STARD9: variants seen among roughly 807,000 people sequenced by gnomAD.
The protein encoded by STARD9 is stAR-related lipid transfer protein 9.
In STARD9, 346 loss-of-function variants were observed where a neutral mutation model predicts 399.8. The observed-to-expected ratio is 0.87, with a 90% confidence interval of 0.79 to 0.95. The LOEUF is 0.95. Among genes scored for constraint, STARD9 ranks in the 40% least tolerant of loss-of-function variants. The probability of loss-of-function intolerance (pLI) is 0.00; values close to 1 mark genes in which losing one functional copy is unlikely to be tolerated. For synonymous variants in STARD9, 2,203 were observed against 2,143.5 expected, an observed-to-expected ratio of 1.03 and a Z score of -0.77; for missense variants, 5,832 against 5,667.5, an observed-to-expected ratio of 1.03 and a Z score of -0.93.
chr15:42,626,920 G>A (rs771134755), intron 3 of STARD9, among the ~76,000 whole-genome samples: 6 of 151,326 alleles, frequency 4.0e-5, no homozygotes, highest in South Asian at 2.1e-4. Context: ...GTGTGATGTC[G>A]GCTCACTGCA....
At position 42,692,110 on chromosome 15, in the gene STARD9, G is replaced by A. The variant is rs1236302573; in HGVS notation, c.10532G>A (p.Cys3511Tyr). The A allele has an allele frequency of 1.3e-6, 2 of 1,537,048 alleles. No individual in the cohort carries two copies. Among genetic ancestry groups the A allele is most frequent in the African/African-American group, 2.7e-5 (2 of 72,998 alleles). The part of the protein sequence containing the change: ...QGLTLSNVAR[C>Y]SSMDNGLEDQ... ...CTGACACTATCAAATGTGGCCCGGT[G>A]CTCCAGCATGGACAATGGCCTAGAA... The change falls in exon 23 of 33, where the codon TGC (cysteine) becomes TAC (tyrosine). Residue 3511 changes from cysteine to tyrosine, a missense_variant. This residue lies in a region of STARD9 where 5,828 missense variants were observed against 5,651.1 expected (regional missense o/e 1.03). Coordinates refer to ENST00000290607, the MANE Select transcript of STARD9 (RefSeq NM_020759.3).
intron 3 of STARD9, among the ~76,000 whole-genome samples, chr15:42,604,029 GGTTT>G (rs1408851974): frequency 6.6e-6 from 1 of 152,166 alleles, no homozygotes; most frequent in Non-Finnish European, 1.5e-5. Context: ...GCAAGGAGGG[GGTTT>G]GTTTGGGGAA....
chr15:42,682,260 G>A lies in STARD9; in HGVS notation c.2222G>A (p.Ser741Asn). 1 of 1,537,274 alleles carries A rather than the reference G, an allele frequency of 6.5e-7. No homozygotes were observed. The highest frequency in any genetic ancestry group is 8.7e-7 in the Non-Finnish European group (1 of 1,146,898). ...PEIQPSPFVQ[S>N]QKRVVHLQLL... Reference sequence around the variant, plus strand: ...ATTCAGCCATCCCCATTTGTCCAAAGTCAGAAAAGGGTGGTGCACCTGCAG... The same window carrying A: ...ATTCAGCCATCCCCATTTGTCCAAAATCAGAAAAGGGTGGTGCACCTGCAG... Residue 741 changes from serine (S) to asparagine (N), a missense_variant, in exon 22 of 33, where the codon AGT (serine) becomes AAT (asparagine). This residue lies in a region of STARD9 where 5,828 missense variants were observed against 5,651.1 expected (regional missense o/e 1.03). Transcript: ENST00000290607.
intron 30 of STARD9, 115 bp downstream of exon 30, chr15:42,718,294 T>C (rs1202369841): frequency 9.8e-6 from 12 of 1,230,620 alleles, no homozygotes; most frequent in Admixed American, 2.0e-5. Flanking sequence ...GGCCAGGTAC[T>C]CAGGTTACCT....
At position 42,685,100 on chromosome 15, in the gene STARD9, AC is replaced by A. The variant is rs1217967863; in HGVS notation, c.3525del (p.Arg1176GlyfsTer8). On this transcript the variant is annotated frameshift_variant, in exon 23 of 33. Transcript: ENST00000290607. LOFTEE classifies it high-confidence loss of function. ...ATCGTCCCACCAACAACCGTGGCCA[AC>A]CCAGGACCAGAACTAGAGCTTCTGT... ...GNRPTNNRGQ[P>X]RTRTRASVRG... is the part of the protein sequence containing the mutation. 1 of 1,537,236 alleles carries A rather than the reference AC, an allele frequency of 6.5e-7. No individual in the cohort carries two copies. Among genetic ancestry groups the A allele is most frequent in the Admixed American group, 2.0e-5 (1 of 50,998 alleles).
intron 22 of STARD9, 59 bp downstream of exon 22, chr15:42,682,634 A>G: frequency 7.2e-7 from 1 of 1,392,220 alleles, no homozygotes. Flanking sequence ...CTTCTTGCCC[A>G]GGTAGTTTTC....
At position 42,666,805 on chromosome 15, in the gene STARD9, A is replaced by T. The variant is rs117478364; in HGVS notation, c.1317+957A>T. Among the ~76,000 whole-genome samples the T allele has an allele frequency of 8.8e-3, 1,333 of 151,488 alleles. 18 individuals carry two copies. The highest frequency in any genetic ancestry group is 0.058 in the East Asian group (300 of 5,168). On this transcript the variant is annotated intron_variant, in intron 15 of 32. Coordinates refer to ENST00000290607, the MANE Select transcript of STARD9 (RefSeq NM_020759.3). ...AGAATAAATGGTGATTCCCAGAGAC[A>T]TTTTTTTTTATTAATTTTATTTTTT...
At chr15:42,651,645 T>C (rs1475787378) in intron 8 of STARD9, among the ~76,000 whole-genome samples, 2 of 152,164 alleles carry the variant, frequency 1.3e-5, no homozygotes, top group South Asian at 2.1e-4. Context: ...GCTTTTTTTT[T>C]CTGGGGTAAA....
chr15:42,644,056 G>A (rs931242724), intron 7 of STARD9, among the ~76,000 whole-genome samples: 8 of 151,912 alleles, frequency 5.3e-5, no homozygotes, highest in Non-Finnish European at 1.0e-4. Flanking sequence ...GGATATATTT[G>A]GTTTGATTCC....
At chr15:42,579,239 C>G (rs962067351) in intron 1 of STARD9, among the ~76,000 whole-genome samples, 23 of 152,140 alleles carry the variant, frequency 1.5e-4, no homozygotes, top group African/African-American at 5.6e-4. Flanking sequence ...GGTCGTTTTA[C>G]AAACCAACCA....
intron 20 of STARD9, among the ~76,000 whole-genome samples, chr15:42,677,908 G>A (rs2060344675): frequency 6.6e-6 from 1 of 152,198 alleles, no homozygotes; most frequent in African/African-American, 2.4e-5. Context: ...ACATCATGGT[G>A]TTGTGCTCTT....
chr15:42,602,678 C>G (rs557571324), intron 3 of STARD9, among the ~76,000 whole-genome samples: 25 of 152,126 alleles, frequency 1.6e-4, no homozygotes, highest in Non-Finnish European at 2.9e-4. Context: ...AGTGAAGTTG[C>G]AAAAGTCACA....
chr15:42,662,776 TC>T lies in STARD9; in HGVS notation c.771-17del. On this transcript the variant is annotated splice_polypyrimidine_tract_variant and intron_variant, in intron 10 of 32. Coordinates refer to ENST00000290607, the MANE Select transcript of STARD9 (RefSeq NM_020759.3). ...TCTTATTTGCTTTTGTTTTTGTTTT[TC>T]ATTGACTGTGTTTTAGCGAAAGAGC... The T allele has an allele frequency of 6.6e-7, 1 of 1,523,760 alleles. No homozygotes were observed. The highest frequency in any genetic ancestry group is 8.8e-7 in the Non-Finnish European group (1 of 1,134,772). The allele number at this position is 1,523,760 out of a possible 1,614,324, so 94.4% of individuals were successfully genotyped here. A position where few individuals can be genotyped will look rare whatever the true frequency, so the allele number is the denominator to read the frequency against.
chr15:42,589,451 C>T (rs1409552810), intron 3 of STARD9, among the ~76,000 whole-genome samples: 1 of 152,106 alleles, frequency 6.6e-6, no homozygotes, highest in Non-Finnish European at 1.5e-5. Flanking sequence ...GCTTCATGCT[C>T]TTTTATAGTC....
At chr15:42,576,284 C>T (rs1021985950) in intron 1 of STARD9, among the ~76,000 whole-genome samples, 3 of 152,144 alleles carry the variant, frequency 2.0e-5, no homozygotes, top group African/African-American at 7.2e-5. Context: ...TAATCCAGGA[C>T]GGAACTGTTA....
rs1034191719 is a variant in STARD9, at chr15:42,693,608, G to A, written c.12030G>A (p.Gly4010=). 1.8e-5 allele frequency: 27 copies of A among 1,537,112 alleles called. No homozygotes were observed. The African/African-American group carries it at 3.7e-4, about 21-fold the overall frequency. ...AGCTTCAGCCCAGGACAACTATCGG[G>A]GTCCAAAGCAGACTGCTGCCACCAC... is the stretch of plus-strand genomic sequence containing the variant. ...PQQLQPRTTI[G]VQSRLLPPPL... is the part of the protein sequence containing the mutation. Residue 4010 remains glycine, a synonymous_variant, in exon 23 of 33, where the codon GGG becomes GGA. Coordinates refer to ENST00000290607, the MANE Select transcript of STARD9 (RefSeq NM_020759.3).
intron 32 of STARD9, 91 bp downstream of exon 32, chr15:42,719,001 C>T (rs2061402747): frequency 8.2e-7 from 1 of 1,223,818 alleles, no homozygotes; most frequent in Non-Finnish European, 1.1e-6. Flanking sequence ...TGAACACCCT[C>T]CAGTGCCCAG....
chr15:42,650,997 C>A lies in STARD9; in HGVS notation c.560-19C>A, dbSNP rs537042233. The A allele has an allele frequency of 4.7e-6, 7 of 1,480,746 alleles. No individual in the cohort carries two copies. In the South Asian group the frequency reaches 5.1e-5, roughly 11 times the overall value. 91.7% of individuals were successfully genotyped at this position (1,480,746 alleles called of 1,614,324 possible). ...AAAATCTCATTTAATTTCTTTTTTC[C>A]GTTTCACAAATCCGATAGGTTTATC... On this transcript the variant is annotated intron_variant, in intron 7 of 32. Coordinates refer to ENST00000290607, the MANE Select transcript of STARD9 (RefSeq NM_020759.3).
At chr15:42,639,172 G>A (rs1044211463) in intron 7 of STARD9, among the ~76,000 whole-genome samples, 1 of 152,224 alleles carries the variant, frequency 6.6e-6, no homozygotes, top group Non-Finnish European at 1.5e-5. Flanking sequence ...GAGTATAGTC[G>A]TGTGAAGAAT....
Sources: gnomAD v4.1 joint callset for allele counts (sites outside exome capture counted in the v4.1 genomes callset) on GRCh38, gnomAD v4.1.1 for gene constraint, gnomAD v4.1.1 regional missense constraint, MANE v1.5 for transcripts, NCBI Gene and HGNC (gene_info 2026-07-23, HGNC 2026-07-21) for gene names.